USP25: variants seen among roughly 807,000 people sequenced by gnomAD.
The protein encoded by USP25 is ubiquitin specific peptidase 25, also known as ubiquitin carboxyl-terminal hydrolase 25.
USP25 carries 85 observed loss-of-function variants against 158.5 expected under a neutral mutation model. That is an observed-to-expected ratio of 0.54 (90% CI 0.45 to 0.64). The LOEUF is 0.64. Among genes scored for constraint, USP25 ranks in the 30% least tolerant of loss-of-function variants. The pLI is 0.00. For missense variants in USP25, 1,242 were observed against 1,327.3 expected, an observed-to-expected ratio of 0.94 and a Z score of 1.00; for synonymous variants, 464 against 460.4, an observed-to-expected ratio of 1.01 and a Z score of -0.10.
At chr21:15,813,543 C>T (rs879013150) in intron 9 of USP25, among the ~76,000 whole-genome samples, 6 of 152,304 alleles carry the variant, frequency 3.9e-5, no homozygotes, top group African/African-American at 7.2e-5. Flanking sequence ...GTTCTTTATA[C>T]GTGCTCAGAA....
chr21:15,792,078 CTT>C (rs1235827126), intron 5 of USP25, among the ~76,000 whole-genome samples: 1 of 151,608 alleles, frequency 6.6e-6, no homozygotes, highest in East Asian at 1.9e-4. Context: ...ATTATAGACA[CTT>C]AGTATTTTTA....
intron 5 of USP25, among the ~76,000 whole-genome samples, chr21:15,799,109 T>C (rs951590986): frequency 2.0e-5 from 3 of 151,272 alleles, no homozygotes. Context: ...TTGTATTTTA[T>C]CTCATTTTAA....
chr21:15,732,202 TATC>T (rs1456031179), intron 1 of USP25, among the ~76,000 whole-genome samples: 2 of 152,174 alleles, frequency 1.3e-5, no homozygotes, highest in Non-Finnish European at 2.9e-5. Flanking sequence ...TTCAAAATAT[TATC>T]ATTATGATGC....
chr21:15,844,813 A>G (rs2038501997), intron 18 of USP25, among the ~76,000 whole-genome samples: 1 of 152,082 alleles, frequency 6.6e-6, no homozygotes, highest in African/African-American at 2.4e-5. Context: ...ATTTATTTTT[A>G]TAGTTGAGTT....
intron 20 of USP25, among the ~76,000 whole-genome samples, chr21:15,861,676 A>G (rs1568903899): frequency 6.6e-6 from 1 of 152,166 alleles, no homozygotes; most frequent in Admixed American, 6.5e-5. Context: ...TGTGTAAAAA[A>G]TAGTTAAGGA....
intron 20 of USP25, among the ~76,000 whole-genome samples, chr21:15,854,739 C>T (rs1169797856): frequency 6.6e-6 from 1 of 152,014 alleles, no homozygotes; most frequent in African/African-American, 2.4e-5. Flanking sequence ...AGTTACCAAC[C>T]CAGTCATAGG....
At chr21:15,827,759 CGT>C (rs562407759) in intron 14 of USP25, among the ~76,000 whole-genome samples, 3 of 102,626 alleles carry the variant, frequency 2.9e-5, no homozygotes. Flanking sequence ...CACTTGTGTG[CGT>C]GTGCGTGTGT....
intron 5 of USP25, among the ~76,000 whole-genome samples, chr21:15,797,081 C>T (rs929240716): frequency 6.6e-6 from 1 of 151,260 alleles, no homozygotes; most frequent in Non-Finnish European, 1.5e-5. Context: ...GTAAATTAAT[C>T]TGGAGAATAT....
At chr21:15,848,351 A>C (rs562347287) in intron 19 of USP25, among the ~76,000 whole-genome samples, 1 of 152,266 alleles carries the variant, frequency 6.6e-6, no homozygotes, top group African/African-American at 2.4e-5. Flanking sequence ...TTCCAACAGT[A>C]TGGAGGCATT....
At chr21:15,745,317 T>C (rs2032444669) in intron 1 of USP25, among the ~76,000 whole-genome samples, 1 of 152,214 alleles carries the variant, frequency 6.6e-6, no homozygotes, top group Non-Finnish European at 1.5e-5. Context: ...TGGTTGTCTT[T>C]TATCATGTAT....
At chr21:15,837,445 A>C (rs2038110610) in intron 17 of USP25, among the ~76,000 whole-genome samples, 3 of 151,992 alleles carry the variant, frequency 2.0e-5, no homozygotes, top group Admixed American at 2.0e-4. Context: ...TTTTTTTCTG[A>C]GTGTGAACAG....
intron 16 of USP25, among the ~76,000 whole-genome samples, chr21:15,832,165 G>T (rs1468391305): frequency 6.6e-6 from 1 of 152,112 alleles, no homozygotes; most frequent in Admixed American, 6.5e-5. Context: ...ACTATTTCTT[G>T]ATCTGCCAAA....
chr21:15,744,210 T>TTG (rs2032324432), intron 1 of USP25: 1 of 152,532 alleles, frequency 6.6e-6, no homozygotes, highest in Non-Finnish European at 1.5e-5. Context: ...GGTCATGGGG[T>TTG]CCTGTGCTAG....
chr21:15,790,051 ACTGT>A (rs2035507375), intron 4 of USP25, among the ~76,000 whole-genome samples: 1 of 152,058 alleles, frequency 6.6e-6, no homozygotes, highest in South Asian at 2.1e-4. Flanking sequence ...AGTCAAGTTG[ACTGT>A]CTTTCTATCT....
chr21:15,811,324 T>C (rs2036651996), intron 9 of USP25, 114 bp downstream of exon 9: 2 of 943,004 alleles, frequency 2.1e-6, no homozygotes, highest in Admixed American at 5.9e-5. Context: ...ATATATTCTG[T>C]CTAGTAATTT....
In USP25 at chr21:15,789,847, AAGTT is replaced by A. The variant is rs376734868; in HGVS notation, c.393-1653_393-1650del. On this transcript the variant is annotated intron_variant, in intron 4 of 25. Transcript: ENST00000400183. ...ACTGCCATTTATAAAAGTCAATAAA[AAGTT>A]AAATATCCCCTCTATATAGGGCAGT... is the stretch of plus-strand genomic sequence containing the variant. 9.9e-5 allele frequency among the ~76,000 whole-genome samples: 15 copies of A among 152,230 alleles called. No homozygotes were observed. In the East Asian group the frequency reaches 2.7e-3, roughly 27 times the overall value.
At chr21:15,739,322 G>A (rs1172626985) in intron 1 of USP25, among the ~76,000 whole-genome samples, 2 of 151,958 alleles carry the variant, frequency 1.3e-5, no homozygotes, top group African/African-American at 4.8e-5. Context: ...ATTTACATGT[G>A]TTAGTTGTGC....
At chr21:15,773,154 A>G (rs2823484) in intron 3 of USP25, 26,333 of 152,198 alleles carry the variant, frequency 0.17, 2,299 homozygotes, top group Non-Finnish European at 0.18. Flanking sequence ...TGGAGGCTCA[A>G]ATTCCCAGCT....
chr21:15,868,490 G>GT (rs900009597), intron 22 of USP25, among the ~76,000 whole-genome samples: 7 of 151,928 alleles, frequency 4.6e-5, no homozygotes, highest in East Asian at 1.9e-4. Flanking sequence ...GACTCATTAT[G>GT]TTTTTTTTCA....
Sources: gnomAD v4.1 joint callset for allele counts (sites outside exome capture counted in the v4.1 genomes callset) on GRCh38, gnomAD v4.1.1 for gene constraint, MANE v1.5 for transcripts, NCBI Gene and HGNC (gene_info 2026-07-23, HGNC 2026-07-21) for gene names.